Variants in DESI2 observed in about 807,000 individuals in gnomAD.
The protein encoded by DESI2 is deubiquitinase DESI2.
A neutral mutation model predicts 24.1 loss-of-function variants in DESI2; 10 were observed. That is an observed-to-expected ratio of 0.41 (90% confidence interval 0.26 to 0.70). The LOEUF is 0.70. Among genes scored for constraint, DESI2 ranks in the 30% least tolerant of loss-of-function variants. The probability of loss-of-function intolerance (pLI) is 0.29; values close to 1 mark genes in which losing one functional copy is unlikely to be tolerated. For synonymous variants in DESI2, 71 were observed against 87.7 expected (o/e 0.81, Z 1.06); for missense variants, 122 against 234.9 (o/e 0.52, Z 3.14).
rs1468091787 is a variant in DESI2 at position 244,707,033 on chromosome 1, G to A, written c.*1244G>A. The A allele has an allele frequency of 6.6e-6, 1 of 152,534 alleles. No individual in the cohort carries two copies. Among genetic ancestry groups the A allele is most frequent in the Non-Finnish European group, 1.5e-5 (1 of 68,020 alleles). The allele number at this position is 152,534 out of a possible 1,614,324, so 9.4% of individuals were successfully genotyped here. On this transcript the variant is annotated 3_prime_UTR_variant, in exon 5 of 5. Transcript: ENST00000302550. ...CCAGTCTACTCCTAGTTTGATCCTT[G>A]GATGTAAGAACCAAGTCATTACATG...
rs1344488811 is a variant in DESI2 at position 244,706,554 on chromosome 1, CA to C, written c.*767del. 1.3e-5 allele frequency: 2 copies of C among 152,626 alleles called. No individual in the cohort carries two copies. Among genetic ancestry groups the C allele is most frequent in the African/African-American group, 2.4e-5 (1 of 41,434 alleles). 9.5% of individuals were successfully genotyped at this position (152,626 alleles called of 1,614,324 possible). ...TCAAGATATTCTTGGTAGTAACTGACAAGTATGTTGCACATGTATTGGGGGA... is the reference window on the plus strand; with the variant it reads ...TCAAGATATTCTTGGTAGTAACTGACAGTATGTTGCACATGTATTGGGGGA... On this transcript the variant is annotated 3_prime_UTR_variant, in exon 5 of 5. Coordinates refer to ENST00000302550, the MANE Select transcript of DESI2 (RefSeq NM_016076.5).
At chr1:244,679,062 AGGGTCTCAC>A (rs939538755) in intron 1 of DESI2, among the ~76,000 whole-genome samples, 3 of 151,846 alleles carry the variant, frequency 2.0e-5, no homozygotes, top group African/African-American at 4.8e-5. Context: ...TTTTTGAGAC[AGGGTCTCAC>A]TCAGTCGCTC....
At chr1:244,694,941 T>G (rs1677160245) in intron 4 of DESI2, among the ~76,000 whole-genome samples, 1 of 152,222 alleles carries the variant, frequency 6.6e-6, no homozygotes, top group Admixed American at 6.5e-5. Flanking sequence ...CCCTTCGAAT[T>G]GGGTGCTAAG....
At position 244,702,798 on chromosome 1, in the gene DESI2, T is replaced by C. The variant is rs1461007546; in HGVS notation, c.352-2758T>C. Among the ~76,000 whole-genome samples the C allele has an allele frequency of 2.0e-5, 3 of 152,082 alleles. No homozygotes were observed. In the East Asian group the frequency reaches 5.8e-4, roughly 29 times the overall value. On this transcript the variant is annotated intron_variant, in intron 4 of 4. Coordinates refer to ENST00000302550, the MANE Select transcript of DESI2 (RefSeq NM_016076.5). ...TGAAGTCAGCTTCACCTGTAGCACA[T>C]GGATATATGGAGGAGGGTAGATTAC...
chr1:244,675,284 A>G (rs762237351), intron 1 of DESI2, among the ~76,000 whole-genome samples: 1 of 152,148 alleles, frequency 6.6e-6, no homozygotes, highest in Non-Finnish European at 1.5e-5. Context: ...TCAAAGCACT[A>G]AAGTTTTAAA....
chr1:244,694,760 T>G, intron 4 of DESI2: 1 of 599,308 alleles, frequency 1.7e-6, no homozygotes, highest in Admixed American at 3.0e-5. Context: ...TCATTAAGTT[T>G]TATTAGAACA....
At chr1:244,656,227 A>G (rs1176253919) in intron 1 of DESI2, 1 of 152,124 alleles carries the variant, frequency 6.6e-6, no homozygotes, top group Non-Finnish European at 1.5e-5. Flanking sequence ...ACCTCTTGCC[A>G]TGTGTCCTTG....
rs1675586832 is a variant in DESI2 at position 244,654,739 on chromosome 1, G to A, written c.42+1384G>A. Among the ~76,000 whole-genome samples, 4 of 152,170 alleles carry A rather than the reference G, an allele frequency of 2.6e-5. No individual in the cohort carries two copies. In the South Asian group the frequency reaches 8.3e-4, roughly 32 times the overall value. On this transcript the variant is annotated intron_variant, in intron 1 of 4. Coordinates refer to ENST00000302550, the MANE Select transcript of DESI2 (RefSeq NM_016076.5). ...TCTGGATTTAAACTTTTTGTGTTCA[G>A]CTGAACACCTTTATCTTTCAAGACT...
intron 1 of DESI2, among the ~76,000 whole-genome samples, chr1:244,680,603 A>C (rs747436668): frequency 6.6e-6 from 1 of 152,340 alleles, no homozygotes; most frequent in East Asian, 1.9e-4. Context: ...AATTGGTCCA[A>C]CTATTAATGA....
At chr1:244,694,795 T>C (rs767830915) in intron 4 of DESI2, 5 of 546,272 alleles carry the variant, frequency 9.2e-6, no homozygotes, top group East Asian at 6.1e-5. Context: ...TGTTTACCTG[T>C]TTCCTTGACT....
At chr1:244,703,700 C>T (rs2148819816) in intron 4 of DESI2, among the ~76,000 whole-genome samples, 1 of 151,852 alleles carries the variant, frequency 6.6e-6, no homozygotes. Flanking sequence ...GCTCTGTTGC[C>T]CCGGCTGGAG....
chr1:244,653,835 C>T (rs1443858350), intron 1 of DESI2: 4 of 429,362 alleles, frequency 9.3e-6, no homozygotes, highest in Non-Finnish European at 1.4e-5. Flanking sequence ...TCCAGAAGGT[C>T]ACAGCTTTCG....
intron 1 of DESI2, among the ~76,000 whole-genome samples, chr1:244,673,190 C>T (rs1303020667): frequency 1.3e-5 from 2 of 152,088 alleles, no homozygotes; most frequent in Admixed American, 6.6e-5. Context: ...AAAGATTGAG[C>T]CTTCCAGGCG....
intron 2 of DESI2, among the ~76,000 whole-genome samples, chr1:244,687,152 A>G (rs955256713): frequency 5.3e-5 from 8 of 152,240 alleles, no homozygotes; most frequent in Admixed American, 2.6e-4. Context: ...TATAAAATCT[A>G]TAAGTTTTTG....
intron 1 of DESI2, chr1:244,653,718 C>T (rs1675545486): frequency 5.4e-6 from 2 of 369,552 alleles, no homozygotes; most frequent in South Asian, 4.8e-5. Flanking sequence ...CCGGGGCTGC[C>T]CCGGGACCCC....
intron 1 of DESI2, among the ~76,000 whole-genome samples, chr1:244,662,031 TA>T (rs1438970453): frequency 6.6e-6 from 1 of 152,226 alleles, no homozygotes; most frequent in Non-Finnish European, 1.5e-5. Context: ...CACAACAGTG[TA>T]AAAGTGTTCC....
chr1:244,702,458 G>A (rs12094111), intron 4 of DESI2, among the ~76,000 whole-genome samples: 3,500 of 152,206 alleles, frequency 0.023, 124 homozygotes, highest in African/African-American at 0.078. Flanking sequence ...AGATTGCAGC[G>A]AGCCCAGATT....
intron 1 of DESI2, among the ~76,000 whole-genome samples, chr1:244,685,570 G>A (rs543507643): frequency 7.9e-5 from 12 of 151,790 alleles, no homozygotes; most frequent in Non-Finnish European, 1.0e-4. Context: ...ATCCACGCTC[G>A]GCCCCAGGTA....
Position 244,676,482 on chromosome 1 carries a change from TATC to T in DESI2, c.43-10112_43-10110del, listed in dbSNP as rs1257242299. ...TTCCTTATGATTTTCCTGTATATAATATCATATCATCTGCAAAATGAGATAATT... is the reference window on the plus strand; with the variant it reads ...TTCCTTATGATTTTCCTGTATATAATATATCATCTGCAAAATGAGATAATT... On this transcript the variant is annotated intron_variant, in intron 1 of 4. Coordinates refer to ENST00000302550, the MANE Select transcript of DESI2 (RefSeq NM_016076.5). Among the ~76,000 whole-genome samples, 10 of 152,236 alleles carry T rather than the reference TATC, an allele frequency of 6.6e-5. No homozygotes were observed. In the East Asian group the frequency reaches 1.9e-3, roughly 29 times the overall value.
Sources: gnomAD v4.1 joint callset for allele counts (sites outside exome capture counted in the v4.1 genomes callset) on GRCh38, gnomAD v4.1.1 for gene constraint, MANE v1.5 for transcripts, NCBI Gene and HGNC (gene_info 2026-07-23, HGNC 2026-07-21) for gene names.